GABRA2: variants seen among roughly 807,000 people sequenced by gnomAD.
The protein encoded by GABRA2 is gamma-aminobutyric acid type A receptor subunit alpha2, also known as gamma-aminobutyric acid receptor subunit alpha-2.
Under a neutral mutation model 48.7 loss-of-function variants are expected in GABRA2, and 16 were observed. That is an observed-to-expected ratio of 0.33 (90% confidence interval 0.22 to 0.50). The LOEUF is 0.50. Among genes scored for constraint, GABRA2 ranks in the 20% least tolerant of loss-of-function variants. GABRA2 has a pLI of 0.98. For missense variants in GABRA2, 275 were observed against 535.6 expected (o/e 0.51, Z 4.80); for synonymous variants, 185 against 184.5 (o/e 1.00, Z -0.02).
intron 5 of GABRA2, 43 bp from the exon 6 acceptor site, chr4:46,310,298 G>A: frequency 6.7e-7 from 1 of 1,490,748 alleles, no homozygotes; most frequent in Non-Finnish European, 9.4e-7. Context: ...ATATTGGTAA[G>A]TCAAGAAAAA....
intron 3 of GABRA2, among the ~76,000 whole-genome samples, chr4:46,343,899 A>G (rs1422688246): frequency 6.6e-6 from 1 of 151,946 alleles, no homozygotes; most frequent in African/African-American, 2.4e-5. Context: ...ATAACTGGGC[A>G]ATTTAGTTAT....
chr4:46,307,818 T>C lies in GABRA2; in HGVS notation c.560-2107A>G, dbSNP rs541636754. Among the ~76,000 whole-genome samples, 4 of 152,274 alleles carry C rather than the reference T, an allele frequency of 2.6e-5. No homozygotes were observed. The South Asian group carries it at 8.3e-4, about 32-fold the overall frequency. Reference sequence around the variant, plus strand: ...CTTCATTATTTAGATAAGAATATAGTTTTGAGATTTTGTGTCTGGTGAAAA... The same window carrying C: ...CTTCATTATTTAGATAAGAATATAGCTTTGAGATTTTGTGTCTGGTGAAAA... On this transcript the variant is annotated intron_variant, in intron 6 of 9. Coordinates refer to ENST00000381620, the MANE Select transcript of GABRA2 (RefSeq NM_000807.4).
At chr4:46,295,034 G>C (rs144380252) in intron 8 of GABRA2, among the ~76,000 whole-genome samples, 2 of 152,170 alleles carry the variant, frequency 1.3e-5, no homozygotes, top group African/African-American at 4.8e-5. Flanking sequence ...TCTCTGCACC[G>C]ATGGCCTCAT....
At chr4:46,266,008 T>C (rs376154571) in intron 8 of GABRA2, among the ~76,000 whole-genome samples, 1 of 151,870 alleles carries the variant, frequency 6.6e-6, no homozygotes. Context: ...CTAATTCTAC[T>C]CTATTGTGGT....
intron 3 of GABRA2, among the ~76,000 whole-genome samples, chr4:46,373,662 C>T (rs540011326): frequency 2.6e-5 from 4 of 152,120 alleles, no homozygotes; most frequent in Admixed American, 2.0e-4. Context: ...GTTTTAATTA[C>T]TGTTGTCTTA....
At chr4:46,284,820 A>G (rs1470602888) in intron 8 of GABRA2, among the ~76,000 whole-genome samples, 1 of 152,000 alleles carries the variant, frequency 6.6e-6, no homozygotes, top group East Asian at 1.9e-4. Flanking sequence ...TAATTAAAAA[A>G]TTAAAGAGTA....
intron 8 of GABRA2, among the ~76,000 whole-genome samples, chr4:46,271,868 A>T (rs1577848963): frequency 6.6e-6 from 1 of 152,034 alleles, no homozygotes; most frequent in East Asian, 1.9e-4. Context: ...ATTGGCATCA[A>T]TGTGAAGCTG....
intron 4 of GABRA2, among the ~76,000 whole-genome samples, chr4:46,327,560 T>C (rs1273442809): frequency 6.6e-6 from 1 of 152,034 alleles, no homozygotes; most frequent in East Asian, 1.9e-4. Context: ...GTTTTCTTAA[T>C]GAACTACATT....
intron 4 of GABRA2, among the ~76,000 whole-genome samples, chr4:46,315,942 T>TATACACAC (rs1023352467): frequency 6.7e-6 from 1 of 148,216 alleles, no homozygotes; most frequent in African/African-American, 2.5e-5. Flanking sequence ...AGTACATATA[T>TATACACAC]ACACACACAC....
At chr4:46,371,548 A>T (rs1471892581) in intron 3 of GABRA2, among the ~76,000 whole-genome samples, 1 of 152,034 alleles carries the variant, frequency 6.6e-6, no homozygotes, top group Admixed American at 6.6e-5. Context: ...ACTGAGCATT[A>T]TTACAGATTA....
At chr4:46,318,911 C>T (rs1728988193) in intron 4 of GABRA2, among the ~76,000 whole-genome samples, 1 of 151,576 alleles carries the variant, frequency 6.6e-6, no homozygotes, top group Admixed American at 6.6e-5. Context: ...TTCAAAAATT[C>T]CTTACAGGAA....
At chr4:46,302,167 C>G (rs1480352061) in intron 8 of GABRA2, among the ~76,000 whole-genome samples, 1 of 151,818 alleles carries the variant, frequency 6.6e-6, no homozygotes, top group African/African-American at 2.4e-5. Flanking sequence ...CTCCCACGTT[C>G]AAGCGATCCT....
At chr4:46,259,262 CATAA>C (rs1409065190) in intron 9 of GABRA2, among the ~76,000 whole-genome samples, 4 of 151,698 alleles carry the variant, frequency 2.6e-5, no homozygotes, top group African/African-American at 9.7e-5. Context: ...CCTGGGGTTG[CATAA>C]ATAGACACCT....
chr4:46,259,555 G>T (rs1329003822), intron 9 of GABRA2, among the ~76,000 whole-genome samples: 1 of 151,874 alleles, frequency 6.6e-6, no homozygotes, highest in Non-Finnish European at 1.5e-5. Flanking sequence ...ATGTAAACAG[G>T]TTAAAGACAT....
chr4:46,329,077 AT>A (rs1212196399), intron 4 of GABRA2, among the ~76,000 whole-genome samples: 1 of 152,034 alleles, frequency 6.6e-6, no homozygotes, highest in Non-Finnish European at 1.5e-5. Context: ...TCTTCTCTAG[AT>A]TTGGACAAAT....
intron 8 of GABRA2, among the ~76,000 whole-genome samples, chr4:46,265,395 TA>T: frequency 8.1e-6 from 1 of 123,974 alleles, no homozygotes; most frequent in African/African-American, 2.9e-5. Flanking sequence ...AATATATATA[TA>T]ATATATTGTG....
intron 4 of GABRA2, among the ~76,000 whole-genome samples, chr4:46,318,157 TAATA>T (rs1295167987): frequency 6.6e-6 from 1 of 151,254 alleles, no homozygotes; most frequent in Non-Finnish European, 1.5e-5. Flanking sequence ...ATATTAAAAA[TAATA>T]AACCATTTAA....
At chr4:46,314,629 G>C (rs1728235436) in intron 4 of GABRA2, among the ~76,000 whole-genome samples, 1 of 151,970 alleles carries the variant, frequency 6.6e-6, no homozygotes, top group African/African-American at 2.4e-5. Context: ...TCCAACCCTT[G>C]ACCTCCTCCC....
At position 46,261,792 on chromosome 4, in the gene GABRA2, TA is replaced by T. The variant is rs143332836; in HGVS notation, c.1059+133del. 3.6e-3 allele frequency: 2,899 copies of T among 795,012 alleles called. 61 individuals carry two copies. The African/African-American group carries it at 0.044, about 12-fold the overall frequency. 49.2% of individuals were successfully genotyped at this position (795,012 alleles called of 1,614,324 possible). ...TAAAGGATTTCAGGCAAGAACACTTTAAAAGAAATTGATATGATTCAAATTC... is the reference window on the plus strand; with the variant it reads ...TAAAGGATTTCAGGCAAGAACACTTTAAAGAAATTGATATGATTCAAATTC... On this transcript the variant is annotated intron_variant, in intron 9 of 9. Transcript: ENST00000381620.
Sources: gnomAD v4.1 joint callset for allele counts (sites outside exome capture counted in the v4.1 genomes callset) on GRCh38, gnomAD v4.1.1 for gene constraint, MANE v1.5 for transcripts, NCBI Gene and HGNC (gene_info 2026-07-23, HGNC 2026-07-21) for gene names.